Variants in SLC12A8 observed in about 807,000 individuals in gnomAD.
SLC12A8 encodes the protein cation-chloride cotransporter 9.
Under a neutral mutation model 75.6 loss-of-function variants are expected in SLC12A8, and 69 were observed. That is an observed-to-expected ratio of 0.91 (90% confidence interval 0.75 to 1.11). The LOEUF is 1.11. Ranked by LOEUF, SLC12A8 falls within the 50% of genes most tolerant of loss-of-function variation. SLC12A8 has a pLI of 0.00. For missense variants in SLC12A8, 877 were observed against 896.7 expected (o/e 0.98, Z 0.28); for synonymous variants, 365 against 372.8 (o/e 0.98, Z 0.24).
At chr3:125,152,616 G>C (rs1358042258) in intron 5 of SLC12A8, among the ~76,000 whole-genome samples, 2 of 152,032 alleles carry the variant, frequency 1.3e-5, no homozygotes, top group African/African-American at 4.8e-5. Flanking sequence ...AGTTGGCAGG[G>C]GGAGAGAGAG....
chr3:125,141,533 G>A (rs1254919837), intron 5 of SLC12A8, among the ~76,000 whole-genome samples: 2 of 152,234 alleles, frequency 1.3e-5, no homozygotes, highest in Non-Finnish European at 2.9e-5. Flanking sequence ...CGGTGCCCCC[G>A]ACATCCCCTC....
chr3:125,181,406 C>T (rs1332784069), intron 4 of SLC12A8, among the ~76,000 whole-genome samples: 1 of 147,712 alleles, frequency 6.8e-6, no homozygotes, highest in Non-Finnish European at 1.5e-5. Flanking sequence ...TCGAGACCAT[C>T]CTGGCTAACA....
intron 6 of SLC12A8, among the ~76,000 whole-genome samples, chr3:125,131,586 C>T (rs1933359325): frequency 6.6e-6 from 1 of 152,088 alleles, no homozygotes; most frequent in Non-Finnish European, 1.5e-5. Context: ...TGGGGTTTCA[C>T]CATGTTGGCC....
At chr3:125,208,329 C>A (rs1174428925) in intron 2 of SLC12A8, among the ~76,000 whole-genome samples, 1 of 152,260 alleles carries the variant, frequency 6.6e-6, no homozygotes, top group Middle Eastern at 3.4e-3. Context: ...GGGTTTGAGA[C>A]TCCTGCCTTA....
At chr3:125,152,379 T>C (rs966438768) in intron 5 of SLC12A8, among the ~76,000 whole-genome samples, 2 of 152,228 alleles carry the variant, frequency 1.3e-5, no homozygotes, top group African/African-American at 2.4e-5. Context: ...GCTCATTCGG[T>C]CATTACAGAT....
chr3:125,180,397 T>A (rs1325330655), intron 4 of SLC12A8, among the ~76,000 whole-genome samples: 1 of 152,170 alleles, frequency 6.6e-6, no homozygotes, highest in Non-Finnish European at 1.5e-5. Flanking sequence ...TAGAACAATA[T>A]CTGGCTCATA....
At chr3:125,150,309 A>G (rs950924) in intron 5 of SLC12A8, among the ~76,000 whole-genome samples, 9,990 of 152,212 alleles carry the variant, frequency 0.066, 1,081 homozygotes, top group African/African-American at 0.23. Flanking sequence ...TACTACCCCA[A>G]CAGTCATATT....
At chr3:125,209,089 A>G in intron 2 of SLC12A8, among the ~76,000 whole-genome samples, 1 of 152,178 alleles carries the variant, frequency 6.6e-6, no homozygotes. Context: ...CTGGAATAAA[A>G]TTGTTCAAAG....
chr3:125,119,464 A>G (rs1195227161), intron 7 of SLC12A8, among the ~76,000 whole-genome samples: 2 of 152,378 alleles, frequency 1.3e-5, no homozygotes, highest in African/African-American at 2.4e-5. Context: ...TCTGTCCCCA[A>G]GATGCCCTGT....
intron 10 of SLC12A8, among the ~76,000 whole-genome samples, chr3:125,098,414 G>A (rs1235030035): frequency 1.3e-5 from 2 of 152,098 alleles, no homozygotes; most frequent in Non-Finnish European, 2.9e-5. Flanking sequence ...TTGATAAACA[G>A]TTCCCTCAAA....
intron 10 of SLC12A8, 76 bp from the exon 11 acceptor site, chr3:125,092,274 G>C: frequency 1.0e-6 from 1 of 968,942 alleles, no homozygotes; most frequent in East Asian, 2.5e-5. Flanking sequence ...ATACCTATGA[G>C]CTCCTCTTCC....
chr3:125,195,267 C>T (rs559459726), intron 2 of SLC12A8, among the ~76,000 whole-genome samples: 1 of 152,334 alleles, frequency 6.6e-6, no homozygotes, highest in South Asian at 2.1e-4. Flanking sequence ...GCATCTCTAA[C>T]CCCTGCCCAG....
chr3:125,120,085 C>T (rs535392628), intron 7 of SLC12A8, among the ~76,000 whole-genome samples: 6 of 152,136 alleles, frequency 3.9e-5, no homozygotes, highest in African/African-American at 9.7e-5. Context: ...CTCTCCCCGC[C>T]GCAATCTAGG....
intron 10 of SLC12A8, among the ~76,000 whole-genome samples, chr3:125,095,961 G>A (rs923432019): frequency 2.6e-5 from 4 of 152,226 alleles, no homozygotes; most frequent in African/African-American, 4.8e-5. Flanking sequence ...CATTGTAGCT[G>A]TAGCTAGAAC....
At chr3:125,174,117 T>C (rs1333698394) in intron 5 of SLC12A8, among the ~76,000 whole-genome samples, 1 of 151,102 alleles carries the variant, frequency 6.6e-6, no homozygotes, top group Non-Finnish European at 1.5e-5. Context: ...AACTCAATGA[T>C]AGGAAAACAA....
At chr3:125,156,062 G>C (rs748087034) in intron 5 of SLC12A8, among the ~76,000 whole-genome samples, 1 of 152,142 alleles carries the variant, frequency 6.6e-6, no homozygotes, top group Non-Finnish European at 1.5e-5. Context: ...TCCAGGCCCC[G>C]GGCCAGGCAG....
At chr3:125,187,002 A>G (rs1021078206) in intron 4 of SLC12A8, among the ~76,000 whole-genome samples, 1 of 152,244 alleles carries the variant, frequency 6.6e-6, no homozygotes, top group Non-Finnish European at 1.5e-5. Flanking sequence ...CCTGCTGGTC[A>G]CATCAGGCAT....
chr3:125,092,225 C>T, intron 10 of SLC12A8, 27 bp from the exon 11 acceptor site: 3 of 1,519,624 alleles, frequency 2.0e-6, no homozygotes, highest in South Asian at 1.1e-5. Flanking sequence ...GATTTGGCTG[C>T]CAAATTGCTA....
In SLC12A8 at chr3:125,137,338, A is replaced by ATT. The variant is rs1933517643; in HGVS notation, c.623-1558_623-1557dup. ...TTGCTTTATTTTGCCTGAACACAGAATTTGTTCTGGCATATTCAATCCCAA... is the reference window on the plus strand; with the variant it reads ...TTGCTTTATTTTGCCTGAACACAGAATTTTTGTTCTGGCATATTCAATCCCAA... On this transcript the variant is annotated intron_variant, in intron 5 of 13. Transcript: ENST00000469902. 3.3e-5 allele frequency among the ~76,000 whole-genome samples: 5 copies of ATT among 152,304 alleles called. No individual in the cohort carries two copies. The South Asian group carries it at 1.0e-3, about 32-fold the overall frequency.
Sources: allele counts gnomAD v4.1 joint callset (sites outside exome capture counted in the v4.1 genomes callset), GRCh38; gene constraint gnomAD v4.1.1; transcripts MANE v1.5; gene names NCBI Gene and HGNC (gene_info 2026-07-23, HGNC 2026-07-21).